VPS8: variants seen among roughly 807,000 people sequenced by gnomAD.
The protein encoded by VPS8 is vacuolar protein sorting-associated protein 8 homolog.
VPS8 carries 129 observed loss-of-function variants against 216.4 expected under a neutral mutation model. That is an observed-to-expected ratio of 0.60 (90% CI 0.52 to 0.69). The LOEUF is 0.69. VPS8 is among the 30% of genes least tolerant of loss of function. VPS8 has a pLI of 0.00. For missense variants in VPS8, 1,531 were observed against 1,683.5 expected, an observed-to-expected ratio of 0.91 and a Z score of 1.59; for synonymous variants, 571 against 565.4, an observed-to-expected ratio of 1.01 and a Z score of -0.14.
chr3:185,019,690 A>C (rs1430579458), intron 45 of VPS8, among the ~76,000 whole-genome samples: 1 of 152,342 alleles, frequency 6.6e-6, no homozygotes, highest in East Asian at 1.9e-4. Flanking sequence ...TGGTAAACCC[A>C]CAACCTTCCA....
chr3:184,869,554 T>C, intron 20 of VPS8, 26 bp downstream of exon 20: 1 of 1,610,704 alleles, frequency 6.2e-7, no homozygotes, highest in Non-Finnish European at 8.5e-7. Flanking sequence ...GGGTCTTTAC[T>C]AGAATACAGT....
At chr3:184,868,710 A>G (rs1727805276) in intron 18 of VPS8, among the ~76,000 whole-genome samples, 1 of 152,236 alleles carries the variant, frequency 6.6e-6, no homozygotes, top group African/African-American at 2.4e-5. Flanking sequence ...ATGGCATTCC[A>G]GCTATTTCCC....
intron 46 of VPS8, among the ~76,000 whole-genome samples, chr3:185,030,639 G>T (rs1282388297): frequency 1.3e-5 from 2 of 152,220 alleles, no homozygotes; most frequent in Non-Finnish European, 2.9e-5. Context: ...AAGAAATACA[G>T]TTCCTTCTCT....
At chr3:184,837,520 T>C (rs1721330686) in intron 5 of VPS8, among the ~76,000 whole-genome samples, 1 of 152,218 alleles carries the variant, frequency 6.6e-6, no homozygotes, top group Non-Finnish European at 1.5e-5. Flanking sequence ...TCGAGCATTA[T>C]GTTAGGCATG....
intron 24 of VPS8, among the ~76,000 whole-genome samples, chr3:184,900,569 C>A (rs542012520): frequency 8.3e-4 from 127 of 152,332 alleles, no homozygotes; most frequent in African/African-American, 2.9e-3. Context: ...AGTTTAAAAT[C>A]ATCTCTATTA....
chr3:185,025,440 T>C (rs1239292465), intron 46 of VPS8, among the ~76,000 whole-genome samples: 1 of 152,228 alleles, frequency 6.6e-6, no homozygotes, highest in Non-Finnish European at 1.5e-5. Context: ...CTCTGTTGAC[T>C]AACAGGAGGT....
intron 45 of VPS8, among the ~76,000 whole-genome samples, chr3:185,020,789 A>T (rs1342069088): frequency 6.6e-6 from 1 of 152,196 alleles, no homozygotes; most frequent in Admixed American, 6.5e-5. Context: ...AACAACAACA[A>T]AAGCCAGCTG....
chr3:185,044,514 C>G (rs1019069373), intron 46 of VPS8, among the ~76,000 whole-genome samples: 3 of 152,120 alleles, frequency 2.0e-5, no homozygotes, highest in Admixed American at 6.5e-5. Context: ...AGGGTTGTCG[C>G]ATCTGAGAAA....
chr3:184,822,559 G>A (rs1038968350), intron 1 of VPS8, among the ~76,000 whole-genome samples: 1 of 152,230 alleles, frequency 6.6e-6, no homozygotes, highest in African/African-American at 2.4e-5. Context: ...TTTCCTGTAT[G>A]GTCTTTCCCA....
intron 3 of VPS8, among the ~76,000 whole-genome samples, chr3:184,826,442 G>A (rs937054060): frequency 2.6e-5 from 4 of 152,182 alleles, no homozygotes; most frequent in Admixed American, 2.0e-4. Flanking sequence ...CAATAGCCAC[G>A]TGTGGCTAGT....
At chr3:185,048,345 C>A in intron 46 of VPS8, 134 bp from the exon 47 acceptor site, 1 of 834,448 alleles carries the variant, frequency 1.2e-6, no homozygotes, top group Non-Finnish European at 1.9e-6. Context: ...ATATATCTCA[C>A]TAATAGCTGG....
At chr3:184,829,482 C>T (rs367757321) in intron 3 of VPS8, among the ~76,000 whole-genome samples, 165 of 152,312 alleles carry the variant, frequency 1.1e-3, no homozygotes, top group African/African-American at 3.7e-3. Context: ...CCCCAGAGTG[C>T]TGGTATTACA....
chr3:184,942,602 C>G (rs1390949399), intron 36 of VPS8, among the ~76,000 whole-genome samples: 1 of 152,136 alleles, frequency 6.6e-6, no homozygotes, highest in Non-Finnish European at 1.5e-5. Context: ...AAAAAGAGCT[C>G]ATGTTTGTAT....
intron 8 of VPS8, among the ~76,000 whole-genome samples, chr3:184,844,875 C>T (rs1276755657): frequency 2.6e-5 from 4 of 152,142 alleles, no homozygotes; most frequent in Non-Finnish European, 5.9e-5. Flanking sequence ...AACAGTAATT[C>T]CTTGCATTTG....
At chr3:184,946,609 T>C (rs1025540387) in intron 36 of VPS8, among the ~76,000 whole-genome samples, 1 of 152,174 alleles carries the variant, frequency 6.6e-6, no homozygotes, top group Non-Finnish European at 1.5e-5. Flanking sequence ...AAGGCCCTTC[T>C]TGGTACAAAA....
chr3:184,993,837 CATT>C, intron 42 of VPS8, 143 bp from the exon 43 acceptor site: 1 of 639,924 alleles, frequency 1.6e-6, no homozygotes, highest in Non-Finnish European at 2.6e-6. Flanking sequence ...GACTATGGTA[CATT>C]TCCGGTGGAA....
rs1051291914 is a variant in VPS8, at chr3:184,971,990, C to G, written c.3420+238C>G. ...ACTCAGAAGGCTGAGGTAGGAGAAT[C>G]GCTTGAACCCAGGAGGCGGAGGTTG... is the stretch of plus-strand genomic sequence containing the variant. On this transcript the variant is annotated intron_variant, in intron 40 of 47. Transcript: ENST00000625842. 4.6e-5 allele frequency among the ~76,000 whole-genome samples: 7 copies of G among 151,952 alleles called. No individual in the cohort carries two copies. The East Asian group carries it at 1.4e-3, about 30-fold the overall frequency.
chr3:184,856,679 C>T (rs1725324336), intron 14 of VPS8, among the ~76,000 whole-genome samples: 1 of 152,106 alleles, frequency 6.6e-6, no homozygotes, highest in South Asian at 2.1e-4. Flanking sequence ...TTTCCTTAGT[C>T]TAAATCATGT....
intron 42 of VPS8, among the ~76,000 whole-genome samples, chr3:184,988,912 T>C (rs762334150): frequency 1.3e-5 from 2 of 152,230 alleles, no homozygotes; most frequent in Non-Finnish European, 2.9e-5. Flanking sequence ...CTAATGTGAA[T>C]AGTATCTTTT....
Sources: gnomAD v4.1 joint callset for allele counts (sites outside exome capture counted in the v4.1 genomes callset) on GRCh38, gnomAD v4.1.1 for gene constraint, MANE v1.5 for transcripts, NCBI Gene and HGNC (gene_info 2026-07-23, HGNC 2026-07-21) for gene names.